DLGAP1: variants seen among roughly 807,000 people sequenced by gnomAD.
DLGAP1 encodes disks large-associated protein 1.
A neutral mutation model predicts 90.8 loss-of-function variants in DLGAP1; 11 were observed. The ratio of observed to expected loss-of-function variants is 0.12; its 90% CI spans 0.08 to 0.20. The LOEUF (loss-of-function observed/expected upper bound fraction) is 0.20. Ranked by LOEUF, DLGAP1 falls within the 10% of genes least tolerant of loss-of-function variation. The probability of loss-of-function intolerance (pLI) is 1.00; values close to 1 mark genes in which losing one functional copy is unlikely to be tolerated. For synonymous variants in DLGAP1, 558 were observed against 540.7 expected (o/e 1.03, Z -0.44); for missense variants, 1,050 against 1,333.8 (o/e 0.79, Z 3.31).
chr18:3,548,529 T>G (rs2053193802), intron 9 of DLGAP1, among the ~76,000 whole-genome samples: 2 of 150,856 alleles, frequency 1.3e-5, no homozygotes, highest in East Asian at 1.9e-4. Context: ...TTTGGGAGAC[T>G]GAGGGGGGTG....
At chr18:4,213,920 G>A (rs555507199) in intron 1 of DLGAP1, among the ~76,000 whole-genome samples, 9 of 152,238 alleles carry the variant, frequency 5.9e-5, no homozygotes, top group Middle Eastern at 3.4e-3. Context: ...GAGGGCAGCA[G>A]GTGATTCAGA....
At chr18:3,849,086 C>T (rs900620112) in intron 4 of DLGAP1, among the ~76,000 whole-genome samples, 1 of 152,210 alleles carries the variant, frequency 6.6e-6, no homozygotes, top group African/African-American at 2.4e-5. Flanking sequence ...GCTCTTCCCT[C>T]TACTGGAGGC....
chr18:4,015,997 CCTTCCT>C (rs1474836200), intron 2 of DLGAP1, among the ~76,000 whole-genome samples: 2 of 152,158 alleles, frequency 1.3e-5, no homozygotes, highest in African/African-American at 4.8e-5. Flanking sequence ...CAAAAGTTCT[CCTTCCT>C]TTGGCTTCAG....
chr18:4,308,125 A>G (rs1431837398), intron 1 of DLGAP1, among the ~76,000 whole-genome samples: 1 of 152,212 alleles, frequency 6.6e-6, no homozygotes, highest in Non-Finnish European at 1.5e-5. Context: ...TATGCACAAG[A>G]GGAAACTGAG....
At chr18:3,773,416 A>ATATT (rs1254356529) in intron 5 of DLGAP1, among the ~76,000 whole-genome samples, 1 of 152,250 alleles carries the variant, frequency 6.6e-6, no homozygotes, top group Non-Finnish European at 1.5e-5. Flanking sequence ...CAGTAGATAA[A>ATATT]TATTTATGGA....
intron 4 of DLGAP1, chr18:3,874,625 C>T (rs1353574948): frequency 3.3e-6 from 5 of 1,535,080 alleles, no homozygotes; most frequent in South Asian, 1.2e-5. Flanking sequence ...CTGAGATGTG[C>T]CATAAATGCT....
At chr18:4,220,347 A>G (rs1306220854) in intron 1 of DLGAP1, among the ~76,000 whole-genome samples, 1 of 152,118 alleles carries the variant, frequency 6.6e-6, no homozygotes, top group Non-Finnish European at 1.5e-5. Flanking sequence ...ACTCTTGCCA[A>G]GAACTTAGTA....
chr18:3,545,578 C>T (rs576061348), intron 9 of DLGAP1, among the ~76,000 whole-genome samples: 13 of 152,098 alleles, frequency 8.5e-5, no homozygotes, highest in Admixed American at 3.3e-4. Flanking sequence ...ATAAATAGGC[C>T]GGGAGCCGTG....
chr18:3,635,616 C>T (rs1218049876), intron 7 of DLGAP1, among the ~76,000 whole-genome samples: 5 of 151,522 alleles, frequency 3.3e-5, no homozygotes, highest in African/African-American at 9.7e-5. Context: ...AGCAGATGGC[C>T]ACCATCTCTG....
At chr18:3,926,470 ATG>A (rs201020351) in intron 3 of DLGAP1, among the ~76,000 whole-genome samples, 1,781 of 128,226 alleles carry the variant, frequency 0.014, 38 homozygotes, top group African/African-American at 0.04. Context: ...ATATGTGCCT[ATG>A]TATGTAGTAT....
At chr18:4,375,888 C>T (rs1056440037) in intron 1 of DLGAP1, among the ~76,000 whole-genome samples, 9 of 124,524 alleles carry the variant, frequency 7.2e-5, no homozygotes, top group African/African-American at 2.6e-4. Flanking sequence ...AAGCTCATTG[C>T]TTACAGATAT....
At chr18:3,600,704 A>ATAGATATATAGATATCTG (rs1555695311) in intron 7 of DLGAP1, among the ~76,000 whole-genome samples, 5,003 of 65,198 alleles carry the variant, frequency 0.077, 1,517 homozygotes, top group Middle Eastern at 0.15. Context: ...ATAGATATCT[A>ATAGATATATAGATATCTG]TAGCTATATA....
At chr18:3,690,350 G>A (rs2060852150) in intron 7 of DLGAP1, among the ~76,000 whole-genome samples, 1 of 151,912 alleles carries the variant, frequency 6.6e-6, no homozygotes, top group Non-Finnish European at 1.5e-5. Flanking sequence ...GCCTCTCAAA[G>A]TGTTGAAATT....
intron 1 of DLGAP1, among the ~76,000 whole-genome samples, chr18:4,202,481 T>G (rs1211468961): frequency 6.6e-6 from 1 of 152,100 alleles, no homozygotes; most frequent in Non-Finnish European, 1.5e-5. Flanking sequence ...CCCCTAAAAC[T>G]ATTGAAATAA....
At chr18:3,664,694 T>C (rs145082059) in intron 7 of DLGAP1, among the ~76,000 whole-genome samples, 1 of 152,288 alleles carries the variant, frequency 6.6e-6, no homozygotes, top group African/African-American at 2.4e-5. Context: ...GATTATTTGA[T>C]TGACGCTAGT....
At chr18:3,570,698 G>A (rs555800501) in intron 8 of DLGAP1, among the ~76,000 whole-genome samples, 1 of 151,972 alleles carries the variant, frequency 6.6e-6, no homozygotes, top group African/African-American at 2.4e-5. Context: ...GGAGGCCGAG[G>A]TGAGAGGATC....
intron 1 of DLGAP1, among the ~76,000 whole-genome samples, chr18:4,266,306 T>C (rs1015042784): frequency 1.3e-5 from 2 of 152,216 alleles, no homozygotes; most frequent in Non-Finnish European, 2.9e-5. Context: ...AGATAAAGCA[T>C]GAATAGATTC....
At chr18:3,686,233 TAGAA>T (rs972503068) in intron 7 of DLGAP1, among the ~76,000 whole-genome samples, 5 of 151,432 alleles carry the variant, frequency 3.3e-5, no homozygotes, top group African/African-American at 4.9e-5. Flanking sequence ...AAAATGAAAA[TAGAA>T]AGAGAATGCT....
chr18:4,267,279 C>G (rs1387395527), intron 1 of DLGAP1, among the ~76,000 whole-genome samples: 2 of 144,636 alleles, frequency 1.4e-5, no homozygotes, highest in East Asian at 3.8e-4. Context: ...GTCTTACCTG[C>G]CCACCTGTGC....
Sources: allele counts gnomAD v4.1 joint callset (sites outside exome capture counted in the v4.1 genomes callset), GRCh38; gene constraint gnomAD v4.1.1; transcripts MANE v1.5; gene names NCBI Gene and HGNC (gene_info 2026-07-23, HGNC 2026-07-21).